The following FHIP1A variants were observed in gnomAD, a reference collection of about 807,000 sequenced individuals.
FHIP1A encodes the protein FHF complex subunit HOOK-interacting protein 1A.
A neutral mutation model predicts 88.6 loss-of-function variants in FHIP1A; 61 were observed. The observed-to-expected ratio is 0.69, with a 90% CI of 0.56 to 0.85. The LOEUF is 0.85. Ranked by LOEUF, FHIP1A falls within the 40% of genes least tolerant of loss-of-function variation. FHIP1A has a pLI of 0.00. For synonymous variants in FHIP1A, 478 were observed against 496.0 expected, an observed-to-expected ratio of 0.96 and a Z score of 0.48; for missense variants, 1,154 against 1,273.5, an observed-to-expected ratio of 0.91 and a Z score of 1.43.
chr4:151,613,221 T>A (rs1423057669), intron 7 of FHIP1A, among the ~76,000 whole-genome samples: 1 of 152,258 alleles, frequency 6.6e-6, no homozygotes, highest in African/African-American at 2.4e-5. Context: ...CTATTATTCC[T>A]GGGAAACCCG....
At chr4:151,499,615 C>T (rs1408767660) in intron 3 of FHIP1A, among the ~76,000 whole-genome samples, 1 of 152,162 alleles carries the variant, frequency 6.6e-6, no homozygotes, top group Non-Finnish European at 1.5e-5. Context: ...TCTCATGCTG[C>T]TAATAAAGAC....
intron 3 of FHIP1A, among the ~76,000 whole-genome samples, chr4:151,514,930 G>A (rs1391864667): frequency 2.0e-5 from 3 of 152,288 alleles, no homozygotes; most frequent in East Asian, 1.9e-4. Flanking sequence ...TAGAAAAAGA[G>A]GGAATCCTCC....
intron 9 of FHIP1A, among the ~76,000 whole-genome samples, chr4:151,644,319 T>C (rs1023167245): frequency 1.3e-5 from 2 of 151,068 alleles, no homozygotes; most frequent in African/African-American, 4.9e-5. Context: ...TTATCACTTC[T>C]AGGGATCACC....
intron 5 of FHIP1A, among the ~76,000 whole-genome samples, chr4:151,585,170 T>C (rs976756016): frequency 1.3e-5 from 2 of 152,014 alleles, no homozygotes; most frequent in Admixed American, 1.3e-4. Context: ...AGCAAAGCCT[T>C]TTGTAGCTGG....
chr4:151,546,682 C>T (rs1323066979), intron 3 of FHIP1A, among the ~76,000 whole-genome samples: 2 of 152,122 alleles, frequency 1.3e-5, no homozygotes, highest in African/African-American at 4.8e-5. Context: ...TTACCCAGGA[C>T]TGAAGAATAT....
At chr4:151,644,504 A>G (rs1263649892) in intron 9 of FHIP1A, among the ~76,000 whole-genome samples, 1 of 151,884 alleles carries the variant, frequency 6.6e-6, no homozygotes, top group Admixed American at 6.6e-5. Context: ...AGTACACACC[A>G]CTACACCCGG....
intron 8 of FHIP1A, among the ~76,000 whole-genome samples, chr4:151,634,658 CG>C: frequency 6.6e-6 from 1 of 151,830 alleles, no homozygotes; most frequent in Admixed American, 6.6e-5. Context: ...TAGGAAAGGA[CG>C]GTTTCATCAA....
At chr4:151,662,334 G>A (rs1737489381) in intron 13 of FHIP1A, among the ~76,000 whole-genome samples, 167 bp from the exon 14 acceptor site, 1 of 152,318 alleles carries the variant, frequency 6.6e-6, no homozygotes, top group South Asian at 2.1e-4. Flanking sequence ...AAATATGTGT[G>A]TCATGGAGTG....
At chr4:151,516,129 C>T (rs568850429) in intron 3 of FHIP1A, among the ~76,000 whole-genome samples, 1 of 152,174 alleles carries the variant, frequency 6.6e-6, no homozygotes, top group East Asian at 1.9e-4. Flanking sequence ...GAGAACAGAG[C>T]CCTCAGAAAT....
chr4:151,500,451 A>G (rs1730609925), intron 3 of FHIP1A, among the ~76,000 whole-genome samples: 1 of 151,780 alleles, frequency 6.6e-6, no homozygotes, highest in South Asian at 2.1e-4. Flanking sequence ...AAAAAAAAAA[A>G]AAAAAAAGAC....
At chr4:151,608,034 C>CT (rs1735144757) in intron 7 of FHIP1A, among the ~76,000 whole-genome samples, 27 of 97,032 alleles carry the variant, frequency 2.8e-4, no homozygotes, top group Non-Finnish European at 4.2e-4. Context: ...TTTCTTTCTT[C>CT]TTCTTTTTTT....
chr4:151,617,422 A>C (rs1735583306), intron 7 of FHIP1A, among the ~76,000 whole-genome samples: 1 of 152,066 alleles, frequency 6.6e-6, no homozygotes, highest in African/African-American at 2.4e-5. Context: ...CTGGTTTTGA[A>C]AACCTCTCCT....
chr4:151,417,237 G>A (rs1732931105), intron 1 of FHIP1A, among the ~76,000 whole-genome samples: 1 of 152,142 alleles, frequency 6.6e-6, no homozygotes, highest in Non-Finnish European at 1.5e-5. Context: ...AGAATTTTCT[G>A]GGGTTTCAAT....
Position 151,548,011 on chromosome 4 carries a change from A to T in FHIP1A, c.-122-18127A>T, listed in dbSNP as rs151130210. On this transcript the variant is annotated intron_variant, in intron 3 of 13. Coordinates refer to ENST00000435205, the MANE Select transcript of FHIP1A (RefSeq NM_001109977.3). ...GTCCCATGAGGTAGGCACCATCATG[A>T]TCACCTCTATTTTACAGATGAGGCT... 6.6e-4 allele frequency among the ~76,000 whole-genome samples: 101 copies of T among 152,248 alleles called. 1 individual carries two copies. The highest frequency in any genetic ancestry group is 2.2e-3 in the African/African-American group (92 of 41,554).
chr4:151,568,051 G>A (rs1733456730), intron 4 of FHIP1A, among the ~76,000 whole-genome samples: 1 of 152,136 alleles, frequency 6.6e-6, no homozygotes, highest in African/African-American at 2.4e-5. Flanking sequence ...TTATATGTAG[G>A]TGGGTCATCT....
rs1350018986 is a variant in FHIP1A at position 151,409,192 on chromosome 4, C to T, written c.-629C>T. ...GGGGGAGGCAGTGACCCACGCGCCT[C>T]AGCCCGCGGCTGACGCACCTTCGAA... On this transcript the variant is annotated 5_prime_UTR_variant, in exon 1 of 14. Transcript: ENST00000435205. 6.6e-6 allele frequency: 1 copy of T among 151,238 alleles called. No individual in the cohort carries two copies. Among genetic ancestry groups the T allele is most frequent in the Non-Finnish European group, 1.5e-5 (1 of 67,774 alleles). 9.4% of individuals were successfully genotyped at this position (151,238 alleles called of 1,614,324 possible). A position where few individuals can be genotyped will look rare whatever the true frequency, so the allele number is the denominator to read the frequency against.
chr4:151,634,985 G>T (rs1003048264), intron 8 of FHIP1A, among the ~76,000 whole-genome samples: 43 of 151,736 alleles, frequency 2.8e-4, no homozygotes, highest in African/African-American at 9.2e-4. Flanking sequence ...AAATATTTAT[G>T]AGTCATATAT....
chr4:151,422,369 G>GA (rs557893110), intron 1 of FHIP1A, among the ~76,000 whole-genome samples: 18 of 142,954 alleles, frequency 1.3e-4, no homozygotes, highest in Middle Eastern at 3.5e-3. Flanking sequence ...TGCCTCCTTT[G>GA]AAAAAAAAAA....
chr4:151,415,851 G>A lies in FHIP1A; in HGVS notation c.-356+6386G>A, dbSNP rs117690604. Among the ~76,000 whole-genome samples the A allele has an allele frequency of 2.6e-5, 4 of 151,840 alleles. No individual in the cohort carries two copies. The East Asian group carries it at 7.7e-4, about 29-fold the overall frequency. On this transcript the variant is annotated intron_variant, in intron 1 of 13. Coordinates refer to ENST00000435205, the MANE Select transcript of FHIP1A (RefSeq NM_001109977.3). ...ATTTCAGGTTCTTTTTGGTTTTAAT[G>A]TTTTCCCCAAGAGAAGATAGTAATT...
Sources: allele counts gnomAD v4.1 joint callset (sites outside exome capture counted in the v4.1 genomes callset), GRCh38; gene constraint gnomAD v4.1.1; transcripts MANE v1.5; gene names NCBI Gene and HGNC (gene_info 2026-07-23, HGNC 2026-07-21).